SECISBP2L: variants seen among roughly 807,000 people sequenced by gnomAD.
The protein encoded by SECISBP2L is selenocysteine insertion sequence-binding protein 2-like.
A neutral mutation model predicts 114.7 loss-of-function variants in SECISBP2L; 43 were observed. The ratio of observed to expected loss-of-function variants is 0.38; its 90% confidence interval spans 0.29 to 0.48. The LOEUF is 0.48. Ranked by LOEUF, SECISBP2L falls within the 20% of genes least tolerant of loss-of-function variation. The probability of loss-of-function intolerance (pLI) is 0.98; values close to 1 mark genes in which losing one functional copy is unlikely to be tolerated. For synonymous variants in SECISBP2L, 451 were observed against 439.7 expected (o/e 1.03, Z -0.32); for missense variants, 1,136 against 1,301.1 (o/e 0.87, Z 1.95).
intron 17 of SECISBP2L, 123 bp from the exon 18 acceptor site, chr15:48,993,049 T>A (rs1902017646): frequency 3.7e-6 from 3 of 819,086 alleles, no homozygotes. Flanking sequence ...AGAAACTGAC[T>A]GGAAAAACTA....
intron 12 of SECISBP2L, 104 bp from the exon 13 acceptor site, chr15:49,011,967 G>T: frequency 7.6e-7 from 1 of 1,315,922 alleles, no homozygotes; most frequent in South Asian, 1.5e-5. Flanking sequence ...ACTTAAACAT[G>T]AACATGAGAA....
chr15:49,003,810 G>T (rs529485792), intron 14 of SECISBP2L, among the ~76,000 whole-genome samples: 80 of 152,292 alleles, frequency 5.3e-4, no homozygotes, highest in African/African-American at 1.9e-3. Flanking sequence ...TGGTCGATAA[G>T]CTTTTTGATG....
At chr15:49,044,941 G>T (rs928189099) in intron 1 of SECISBP2L, among the ~76,000 whole-genome samples, 1 of 152,156 alleles carries the variant, frequency 6.6e-6, no homozygotes, top group Non-Finnish European at 1.5e-5. Context: ...ACAAGGAAAT[G>T]ATTCAAGGAA....
intron 11 of SECISBP2L, among the ~76,000 whole-genome samples, chr15:49,014,690 A>G (rs1902502163): frequency 6.6e-6 from 1 of 150,844 alleles, no homozygotes; most frequent in South Asian, 2.1e-4. Flanking sequence ...CTTTTCTTGA[A>G]CATGTGTATA....
chr15:49,040,388 C>T (rs1441909475), intron 1 of SECISBP2L, among the ~76,000 whole-genome samples: 3 of 152,116 alleles, frequency 2.0e-5, no homozygotes, highest in Non-Finnish European at 4.4e-5. Context: ...AACAGACTGG[C>T]AAACTTTCTC....
At chr15:49,007,956 T>C (rs1442244895) in intron 14 of SECISBP2L, among the ~76,000 whole-genome samples, 3 of 152,072 alleles carry the variant, frequency 2.0e-5, no homozygotes, top group African/African-American at 7.3e-5. Context: ...AGCAAATGAG[T>C]AGGGCTCTCT....
intron 7 of SECISBP2L, among the ~76,000 whole-genome samples, chr15:49,020,053 G>C (rs1257645152): frequency 6.6e-6 from 1 of 152,226 alleles, no homozygotes; most frequent in Non-Finnish European, 1.5e-5. Flanking sequence ...GATTCTAGGG[G>C]ATAAGGAGCA....
intron 16 of SECISBP2L, 120 bp from the exon 17 acceptor site, chr15:48,996,706 C>T (rs751851891): frequency 6.2e-6 from 5 of 800,850 alleles, no homozygotes; most frequent in Non-Finnish European, 9.9e-6. Flanking sequence ...AGGACAAAAT[C>T]CAAATGGTAT....
intron 11 of SECISBP2L, among the ~76,000 whole-genome samples, chr15:49,014,898 A>G (rs1902507427): frequency 6.7e-6 from 1 of 150,338 alleles, no homozygotes; most frequent in South Asian, 2.1e-4. Context: ...CATTATATAT[A>G]CTGTATATAT....
Position 48,996,478 on chromosome 15 carries a change from T to G in SECISBP2L, c.2512A>C (p.Lys838Gln). The change falls in exon 17 of 18, where the codon AAG (lysine) becomes CAG (glutamine). Residue 838 changes from lysine to glutamine, a missense_variant. Lys to Gln is a moderately conservative substitution (Grantham distance 53). Around this residue, in one of 2 missense-constraint regions of SECISBP2L, gnomAD observed 684 missense variants for 848.7 expected, o/e 0.81. Coordinates refer to ENST00000559471, the MANE Select transcript of SECISBP2L (RefSeq NM_001193489.2). ...TGTCCCATGTGGTGTGGTACCTTCT[T>G]CACATTCTTTAAGGCTTCCTCAGCC... ...EQAEEALKNV[K>Q]KVPHHMGHSR... 6.2e-7 allele frequency: 1 copy of G among 1,614,110 alleles called. No individual in the cohort carries two copies. Among genetic ancestry groups the G allele is most frequent in the Non-Finnish European group, 8.5e-7 (1 of 1,179,994 alleles).
In SECISBP2L at chr15:49,033,081, T is replaced by C. The variant is rs764285342; in HGVS notation, c.548A>G (p.His183Arg). The C allele has an allele frequency of 3.1e-6, 5 of 1,613,806 alleles. No individual in the cohort carries two copies. Among genetic ancestry groups the C allele is most frequent in the Non-Finnish European group, 3.4e-6 (4 of 1,180,002 alleles). The change falls in exon 4 of 18, where the codon CAC becomes CGC. Residue 183 changes from histidine to arginine, a missense_variant. His to Arg is a conservative substitution (Grantham distance 29). This residue lies in a region of SECISBP2L where 452 missense variants were observed against 452.3 expected (regional missense o/e 1.00). Transcript: ENST00000559471. ...CACCAGCGGCCTTTTGCTTTTTATG[T>C]GCTGTTGTAAAAGCTGTTGCTGATT... The part of the protein sequence containing the change: ...VVPKQQLLQQ[H>R]IKSKRPLVKN...
Position 48,996,557 on chromosome 15 carries a change from A to C in SECISBP2L, c.2433T>G (p.Thr811=), listed in dbSNP as rs1309035748. Residue 811 remains threonine (T), a synonymous_variant, in exon 17 of 18, where the codon ACT becomes ACG. Coordinates refer to ENST00000559471, the MANE Select transcript of SECISBP2L (RefSeq NM_001193489.2). ...ESLFNKLVEL[T]EEARKAYKDM... ...CTTTATATGCTTTCCTGGCCTCCTC[A>C]GTGAGTTCTACTAATTTATTAAACA... 8.1e-6 allele frequency: 13 copies of C among 1,614,002 alleles called. No individual in the cohort carries two copies. The highest frequency in any genetic ancestry group is 1.7e-5 in the Admixed American group (1 of 59,990).
chr15:49,002,634 G>C (rs1053003334), intron 14 of SECISBP2L, among the ~76,000 whole-genome samples: 1 of 152,136 alleles, frequency 6.6e-6, no homozygotes, highest in African/African-American at 2.4e-5. Context: ...TTTGTATAAG[G>C]TGTAAGAAAG....
chr15:49,036,078 T>C (rs1422189456), intron 2 of SECISBP2L, among the ~76,000 whole-genome samples: 6 of 152,318 alleles, frequency 3.9e-5, no homozygotes, highest in South Asian at 2.1e-4. Flanking sequence ...TGTAAGGTGA[T>C]CTTTACATAG....
intron 5 of SECISBP2L, 52 bp downstream of exon 5, chr15:49,028,398 AAAT>A (rs1434849596): frequency 1.3e-6 from 2 of 1,534,168 alleles, no homozygotes; most frequent in African/African-American, 2.7e-5. Context: ...AGAGGATGCA[AAAT>A]AATAATACTG....
intron 7 of SECISBP2L, among the ~76,000 whole-genome samples, chr15:49,026,460 A>G (rs114544811): frequency 2.0e-3 from 304 of 152,344 alleles, no homozygotes; most frequent in African/African-American, 7.0e-3. Context: ...TTATATACAT[A>G]TATCAATATA....
intron 11 of SECISBP2L, among the ~76,000 whole-genome samples, chr15:49,013,385 C>T (rs1255220217): frequency 6.6e-6 from 1 of 152,170 alleles, no homozygotes; most frequent in Non-Finnish European, 1.5e-5. Flanking sequence ...AAACCTCCAC[C>T]TCCTGGGTTC....
intron 17 of SECISBP2L, among the ~76,000 whole-genome samples, chr15:48,994,842 G>GAA (rs34085482): frequency 1.5e-5 from 2 of 133,050 alleles, no homozygotes; most frequent in Admixed American, 7.4e-5. Context: ...AAGTGCTGGG[G>GAA]AAAAAAAAAA....
chr15:49,040,392 C>A (rs1903098615), intron 1 of SECISBP2L, among the ~76,000 whole-genome samples: 1 of 152,112 alleles, frequency 6.6e-6, no homozygotes, highest in South Asian at 2.1e-4. Context: ...GACTGGCAAA[C>A]TTTCTCCTAT....
Sources: gnomAD v4.1 joint callset for allele counts (sites outside exome capture counted in the v4.1 genomes callset) on GRCh38, gnomAD v4.1.1 for gene constraint, gnomAD v4.1.1 regional missense constraint, MANE v1.5 for transcripts, NCBI Gene and HGNC (gene_info 2026-07-23, HGNC 2026-07-21) for gene names.